Variants in FBXL13 observed in about 807,000 individuals in gnomAD.
FBXL13 encodes F-box and leucine-rich repeat protein 13.
A neutral mutation model predicts 83.6 loss-of-function variants in FBXL13; 67 were observed. The observed-to-expected ratio is 0.80, with a 90% confidence interval of 0.66 to 0.98. The LOEUF is 0.98. Among genes scored for constraint, FBXL13 ranks in the 50% least tolerant of loss-of-function variants. The pLI is 0.00. For synonymous variants in FBXL13, 272 were observed against 299.5 expected, an observed-to-expected ratio of 0.91 and a Z score of 0.95; for missense variants, 822 against 866.5, an observed-to-expected ratio of 0.95 and a Z score of 0.64.
At chr7:103,052,149 T>C (rs905001153) in intron 2 of FBXL13, among the ~76,000 whole-genome samples, 11 of 152,238 alleles carry the variant, frequency 7.2e-5, no homozygotes, top group Non-Finnish European at 1.2e-4. Context: ...ACCTTTGAAG[T>C]TTTTTGTTGA....
At chr7:102,986,918 T>TACACACAC (rs140052493) in intron 6 of FBXL13, among the ~76,000 whole-genome samples, 8,429 of 148,324 alleles carry the variant, frequency 0.057, 412 homozygotes, top group East Asian at 0.25. Flanking sequence ...GAAAATGTGA[T>TACACACAC]ACACACACAC....
chr7:103,052,903 C>A (rs539815735), intron 2 of FBXL13, among the ~76,000 whole-genome samples: 1 of 151,796 alleles, frequency 6.6e-6, no homozygotes. Flanking sequence ...ATTACAGGCA[C>A]CCGCCACCAC....
intron 1 of FBXL13, among the ~76,000 whole-genome samples, chr7:103,059,207 G>T (rs574971418): frequency 6.6e-6 from 1 of 152,312 alleles, no homozygotes; most frequent in African/African-American, 2.4e-5. Context: ...AAGCCCAGGA[G>T]TTCAAGGCTG....
At chr7:102,847,094 A>G (rs967821843) in intron 17 of FBXL13, among the ~76,000 whole-genome samples, 3 of 152,190 alleles carry the variant, frequency 2.0e-5, no homozygotes, top group South Asian at 4.1e-4. Context: ...ATTTATTTAC[A>G]TATTGTCTAT....
chr7:103,004,251 T>C (rs114543943), intron 6 of FBXL13, among the ~76,000 whole-genome samples: 168 of 152,360 alleles, frequency 1.1e-3, no homozygotes, highest in African/African-American at 3.6e-3. Flanking sequence ...GCTGGATTGC[T>C]ACCTCCTTTT....
intron 2 of FBXL13, among the ~76,000 whole-genome samples, chr7:103,043,654 G>A (rs1192170641): frequency 6.6e-6 from 1 of 152,176 alleles, no homozygotes; most frequent in Non-Finnish European, 1.5e-5. Context: ...TGGGATTACA[G>A]GTGTGTGCTA....
intron 7 of FBXL13, among the ~76,000 whole-genome samples, chr7:102,965,093 C>G (rs1825836694): frequency 6.6e-6 from 1 of 152,158 alleles, no homozygotes; most frequent in South Asian, 2.1e-4. Flanking sequence ...TAATGCCAAG[C>G]ATTTTATGAG....
At chr7:103,069,893 A>G (rs909528255) in intron 1 of FBXL13, among the ~76,000 whole-genome samples, 2 of 152,178 alleles carry the variant, frequency 1.3e-5, no homozygotes, top group Non-Finnish European at 2.9e-5. Context: ...CCTGGCTAAC[A>G]CGGTGAAACC....
chr7:102,813,318 G>T (rs1162879201), exon 20 of FBXL13: 1 of 1,563,986 alleles, frequency 6.4e-7, no homozygotes, highest in Non-Finnish European at 8.6e-7. Flanking sequence ...TTGATTTTTT[G>T]TTCTTCCTGC....
chr7:102,854,407 A>G (rs1250893411), intron 17 of FBXL13, among the ~76,000 whole-genome samples: 1 of 152,154 alleles, frequency 6.6e-6, no homozygotes, highest in Non-Finnish European at 1.5e-5. Context: ...GCATTGGGAG[A>G]TATACCTAAT....
chr7:103,016,882 A>G (rs1792414081), intron 6 of FBXL13, among the ~76,000 whole-genome samples: 1 of 152,232 alleles, frequency 6.6e-6, no homozygotes, highest in Non-Finnish European at 1.5e-5. Flanking sequence ...CTGCCTCTGT[A>G]GACTCCACCT....
intron 17 of FBXL13, among the ~76,000 whole-genome samples, chr7:102,843,024 C>A (rs1215072823): frequency 1.3e-5 from 2 of 152,204 alleles, no homozygotes; most frequent in Admixed American, 6.5e-5. Context: ...CCTCCTCTAC[C>A]TCCTTTTCTA....
chr7:103,025,173 C>G (rs61749912), exon 6 of FBXL13: 114,616 of 1,606,546 alleles, frequency 0.071, 5,639 homozygotes, highest in East Asian at 0.28. Context: ...TCTGCAGCAG[C>G]TCTTTTGAGT....
chr7:102,843,051 A>T (rs1476057295), intron 17 of FBXL13, among the ~76,000 whole-genome samples: 1 of 152,212 alleles, frequency 6.6e-6, no homozygotes, highest in East Asian at 1.9e-4. Flanking sequence ...AATCAAGATA[A>T]ATGTTACCAA....
At chr7:102,894,971 CATTT>C (rs759285781) in intron 11 of FBXL13, among the ~76,000 whole-genome samples, 23 of 152,102 alleles carry the variant, frequency 1.5e-4, no homozygotes, top group African/African-American at 2.9e-4. Flanking sequence ...CTCATTCATT[CATTT>C]GTCAAGCTTA....
chr7:102,839,963 T>C (rs765694217), intron 17 of FBXL13, among the ~76,000 whole-genome samples: 5 of 152,186 alleles, frequency 3.3e-5, no homozygotes, highest in African/African-American at 9.7e-5. Context: ...ATGCTTTCTC[T>C]AGAGACACCT....
At chr7:102,887,894 G>A (rs1276021272) in intron 11 of FBXL13, among the ~76,000 whole-genome samples, 4 of 152,192 alleles carry the variant, frequency 2.6e-5, no homozygotes, top group African/African-American at 9.7e-5. Flanking sequence ...TCTCTGAAGA[G>A]TGGATAGTTT....
At chr7:102,838,489 C>T (rs1205890383) in intron 17 of FBXL13, among the ~76,000 whole-genome samples, 2 of 151,678 alleles carry the variant, frequency 1.3e-5, no homozygotes, top group African/African-American at 4.8e-5. Context: ...GTCACTCTGT[C>T]ACCCAGGCTG....
intron 17 of FBXL13, among the ~76,000 whole-genome samples, chr7:102,852,570 C>T (rs906031179): frequency 6.6e-6 from 1 of 151,986 alleles, no homozygotes; most frequent in Non-Finnish European, 1.5e-5. Context: ...AAATGTCTAA[C>T]AAACATATGA....
Sources: allele counts gnomAD v4.1 joint callset (sites outside exome capture counted in the v4.1 genomes callset), GRCh38; gene constraint gnomAD v4.1.1; transcripts MANE v1.5; gene names NCBI Gene and HGNC (gene_info 2026-07-23, HGNC 2026-07-21).